The following AUTS2 variants were observed in gnomAD, a reference collection of about 807,000 sequenced individuals.
The protein encoded by AUTS2 is activator of transcription and developmental regulator AUTS2.
A neutral mutation model predicts 112.4 loss-of-function variants in AUTS2; 17 were observed. The ratio of observed to expected loss-of-function variants is 0.15; its 90% confidence interval spans 0.10 to 0.23. The LOEUF is 0.23. AUTS2 is among the 10% of genes least tolerant of loss of function. AUTS2 has a pLI of 1.00. For synonymous variants in AUTS2, 751 were observed against 702.7 expected (o/e 1.07, Z -1.09); for missense variants, 1,510 against 1,701.6 (o/e 0.89, Z 1.98).
At chr7:69,891,457 G>A (rs1364830271) in intron 1 of AUTS2, among the ~76,000 whole-genome samples, 1 of 152,154 alleles carries the variant, frequency 6.6e-6, no homozygotes, top group Non-Finnish European at 1.5e-5. Flanking sequence ...AGCTCTTCAT[G>A]TAGACATGTA....
At chr7:69,914,209 C>T (rs887571336) in intron 2 of AUTS2, among the ~76,000 whole-genome samples, 6 of 152,116 alleles carry the variant, frequency 3.9e-5, no homozygotes, top group African/African-American at 1.4e-4. Flanking sequence ...TTGCCTGGCA[C>T]ACAGAAGGTG....
At chr7:70,477,085 A>T (rs1797610829) in intron 5 of AUTS2, among the ~76,000 whole-genome samples, 1 of 152,234 alleles carries the variant, frequency 6.6e-6, no homozygotes, top group Non-Finnish European at 1.5e-5. Context: ...CTGTCCAAGT[A>T]CACAATTTAT....
At chr7:70,203,344 T>TAAAAAAAAAAAA (rs1229996091) in intron 4 of AUTS2, among the ~76,000 whole-genome samples, 2 of 110,566 alleles carry the variant, frequency 1.8e-5, no homozygotes, top group Non-Finnish European at 3.6e-5. Context: ...TAGAGTATAA[T>TAAAAAAAAAAAA]AAAAAAAAAA....
At chr7:70,664,665 G>C (rs1807238444) in intron 5 of AUTS2, among the ~76,000 whole-genome samples, 1 of 152,186 alleles carries the variant, frequency 6.6e-6, no homozygotes. Flanking sequence ...GAGTCACTGG[G>C]AAGATTGGGA....
intron 2 of AUTS2, among the ~76,000 whole-genome samples, chr7:69,921,990 G>T (rs949123679): frequency 2.6e-5 from 4 of 151,894 alleles, no homozygotes; most frequent in Non-Finnish European, 1.5e-5. Flanking sequence ...CTTGAACCTG[G>T]GAGGCAGAGG....
At chr7:69,922,550 C>T (rs150839916) in intron 2 of AUTS2, among the ~76,000 whole-genome samples, 456 of 152,302 alleles carry the variant, frequency 3.0e-3, no homozygotes, top group Non-Finnish European at 5.0e-3. Context: ...TTTTCATGCT[C>T]TTAAGTGATC....
intron 5 of AUTS2, among the ~76,000 whole-genome samples, chr7:70,623,122 C>T (rs1189633147): frequency 6.6e-6 from 1 of 152,144 alleles, no homozygotes; most frequent in Non-Finnish European, 1.5e-5. Context: ...AGCATTTGGT[C>T]CTCACAGTTA....
chr7:69,956,585 A>C (rs1797220381), intron 2 of AUTS2, among the ~76,000 whole-genome samples: 1 of 152,128 alleles, frequency 6.6e-6, no homozygotes, highest in Non-Finnish European at 1.5e-5. Flanking sequence ...AGCACGAAAA[A>C]AACGGTTGAA....
At chr7:69,964,812 G>C (rs1254524102) in intron 2 of AUTS2, among the ~76,000 whole-genome samples, 1 of 151,688 alleles carries the variant, frequency 6.6e-6, no homozygotes, top group Non-Finnish European at 1.5e-5. Flanking sequence ...TTGGTCAGTT[G>C]TCACTCTGTC....
chr7:70,519,059 TA>T (rs1012076880), intron 5 of AUTS2, among the ~76,000 whole-genome samples: 118 of 151,416 alleles, frequency 7.8e-4, no homozygotes, highest in African/African-American at 2.8e-3. Context: ...TTTTCTCCAT[TA>T]AAAAAAAATC....
Position 69,899,508 on chromosome 7 carries a change from C to CT in AUTS2, c.522+12dup. 6.2e-7 allele frequency: 1 copy of CT among 1,613,568 alleles called. No homozygotes were observed. The highest frequency in any genetic ancestry group is 2.2e-5 in the East Asian group (1 of 44,880). ...GAAGGCACTCAGACAGGTGAGGAAG[C>CT]TTGGGTTCGCTCTTTCCTGTGGCGG... On this transcript the variant is annotated intron_variant, in intron 2 of 18. Coordinates refer to ENST00000342771, the MANE Select transcript of AUTS2 (RefSeq NM_015570.4).
intron 4 of AUTS2, among the ~76,000 whole-genome samples, chr7:70,277,588 A>G (rs1787988276): frequency 1.3e-5 from 2 of 152,190 alleles, no homozygotes; most frequent in Admixed American, 1.3e-4. Context: ...GGCATGCAAG[A>G]GTGCTTTATT....
chr7:70,099,455 G>A, intron 2 of AUTS2, among the ~76,000 whole-genome samples: 1 of 151,290 alleles, frequency 6.6e-6, no homozygotes. Context: ...GACTTTGGCT[G>A]GTGGGGGTCA....
At chr7:70,344,622 G>A (rs1393100865) in intron 4 of AUTS2, among the ~76,000 whole-genome samples, 1 of 152,206 alleles carries the variant, frequency 6.6e-6, no homozygotes, top group Non-Finnish European at 1.5e-5. Context: ...TATTTTAAAA[G>A]ATGATCAACA....
At chr7:69,865,015 A>G (rs1385527110) in intron 1 of AUTS2, among the ~76,000 whole-genome samples, 3 of 152,008 alleles carry the variant, frequency 2.0e-5, no homozygotes, top group Non-Finnish European at 2.9e-5. Flanking sequence ...GGAAGTTCAT[A>G]TATCTGCCTT....
At chr7:70,536,456 A>G (rs10256496) in intron 5 of AUTS2, among the ~76,000 whole-genome samples, 85,175 of 151,572 alleles carry the variant, frequency 0.56, 24,739 homozygotes, top group African/African-American at 0.69. Flanking sequence ...GGCCTTTCTC[A>G]TTGGTCCTCA....
intron 4 of AUTS2, among the ~76,000 whole-genome samples, chr7:70,393,764 C>CT (rs1453062533): frequency 6.6e-6 from 1 of 152,158 alleles, no homozygotes; most frequent in Non-Finnish European, 1.5e-5. Flanking sequence ...CCCTTTCAAC[C>CT]TTTAATACCT....
chr7:70,268,172 A>G (rs1787526299), intron 4 of AUTS2, among the ~76,000 whole-genome samples: 1 of 152,184 alleles, frequency 6.6e-6, no homozygotes, highest in South Asian at 2.1e-4. Context: ...AGACTAGAGC[A>G]TGGGCATTTT....
chr7:70,419,182 A>G (rs577425456), intron 4 of AUTS2, among the ~76,000 whole-genome samples: 1 of 152,152 alleles, frequency 6.6e-6, no homozygotes, highest in South Asian at 2.1e-4. Context: ...TCACTTTTCC[A>G]TTTCAGCAAA....
Sources: allele counts gnomAD v4.1 joint callset (sites outside exome capture counted in the v4.1 genomes callset), GRCh38; gene constraint gnomAD v4.1.1; transcripts MANE v1.5; gene names NCBI Gene and HGNC (gene_info 2026-07-23, HGNC 2026-07-21).